NFIC: variants seen among roughly 807,000 people sequenced by gnomAD.
NFIC encodes the protein nuclear factor 1 C-type.
Under a neutral mutation model 54.4 loss-of-function variants are expected in NFIC, and 12 were observed. The ratio of observed to expected loss-of-function variants is 0.22; its 90% confidence interval spans 0.14 to 0.36. The LOEUF (loss-of-function observed/expected upper bound fraction) is 0.36, where lower values mean the gene tolerates loss of function less well. NFIC is among the 10% of genes least tolerant of loss of function. NFIC has a pLI of 1.00. For missense variants in NFIC, 575 were observed against 718.2 expected (o/e 0.80, Z 2.28); for synonymous variants, 322 against 319.2 (o/e 1.01, Z -0.09).
chr19:3,366,722 C>T (rs1568394972), intron 1 of NFIC, 56 bp downstream of exon 1: 2 of 1,270,124 alleles, frequency 1.6e-6, no homozygotes, highest in Non-Finnish European at 2.1e-6. Context: ...CATCCCAGCC[C>T]CGGAGTTTTG....
At chr19:3,425,342 AC>A (rs2082011382) in intron 3 of NFIC, among the ~76,000 whole-genome samples, 165 bp downstream of exon 3, 1 of 152,028 alleles carries the variant, frequency 6.6e-6, no homozygotes, top group Admixed American at 6.6e-5. Flanking sequence ...CTGGGTTGGA[AC>A]CCACGACTCT....
chr19:3,403,386 G>A (rs1476053941), intron 2 of NFIC, among the ~76,000 whole-genome samples: 5 of 152,152 alleles, frequency 3.3e-5, no homozygotes, highest in Admixed American at 6.6e-5. Context: ...CGGATCTTCC[G>A]TTTCCCCCTT....
At chr19:3,456,682 G>T in intron 10 of NFIC, 47 bp downstream of exon 10, 1 of 1,358,470 alleles carries the variant, frequency 7.4e-7, no homozygotes, top group South Asian at 1.3e-5. Context: ...GCAGGGCAGA[G>T]GGGCCGGCCC....
At chr19:3,372,430 G>T (rs1487107877) in intron 1 of NFIC, among the ~76,000 whole-genome samples, 1 of 152,184 alleles carries the variant, frequency 6.6e-6, no homozygotes, top group Non-Finnish European at 1.5e-5. Context: ...GATAAGGGGG[G>T]TCCCAGAGGC....
In NFIC at chr19:3,465,407, TA is replaced by T. The variant is rs1206836629; in HGVS notation, c.*2644del. Reference sequence around the variant, plus strand: ...ATTTCTATTTGTAAAAAAAATAAAATAAAAAATAAGAAAGTGAGAATCTAAA... The same window carrying T: ...ATTTCTATTTGTAAAAAAAATAAAATAAAAATAAGAAAGTGAGAATCTAAA... On this transcript the variant is annotated 3_prime_UTR_variant, in exon 11 of 11. Coordinates refer to ENST00000443272, the MANE Select transcript of NFIC (RefSeq NM_001245002.2). The T allele has an allele frequency of 5.4e-5, 1 of 18,590 alleles. No homozygotes were observed. The highest frequency in any genetic ancestry group is 1.2e-4 in the Non-Finnish European group (1 of 8,004). 1.2% of individuals were successfully genotyped at this position (18,590 alleles called of 1,614,324 possible). A position where few individuals can be genotyped will look rare whatever the true frequency, so the allele number is the denominator to read the frequency against.
At chr19:3,439,635 T>C (rs1292069520) in intron 6 of NFIC, among the ~76,000 whole-genome samples, 1 of 148,204 alleles carries the variant, frequency 6.7e-6, no homozygotes, top group Non-Finnish European at 1.5e-5. Context: ...AGAGCGAAAC[T>C]CCATCTCAAA....
At chr19:3,462,684 A>G (rs2082658735) in intron 10 of NFIC, 68 bp from the exon 11 acceptor site, 7 of 1,551,994 alleles carry the variant, frequency 4.5e-6, no homozygotes, top group Non-Finnish European at 5.3e-6. Flanking sequence ...TGTCTGCAGC[A>G]GAGTCTGACC....
At position 3,381,947 on chromosome 19, in the gene NFIC, G is replaced by T; in HGVS notation, c.266G>T (p.Arg89Leu). The change falls in exon 2 of 11, where the codon CGC becomes CTC. Residue 89 changes from arginine to leucine, a missense_variant. Around this residue, in one of 3 missense-constraint regions of NFIC, gnomAD observed 122 missense variants for 158.0 expected, o/e 0.77. Transcript: ENST00000443272. ...KLRKDIRPEC[R>L]EDFVLSITGK... is the part of the protein sequence containing the mutation. ...CGCAAGGACATCCGGCCCGAGTGCC[G>T]CGAGGACTTCGTGCTGAGCATCACC... 1 of 1,613,510 alleles carries T rather than the reference G, an allele frequency of 6.2e-7. No individual in the cohort carries two copies. The highest frequency in any genetic ancestry group is 8.5e-7 in the Non-Finnish European group (1 of 1,179,922).
intron 2 of NFIC, among the ~76,000 whole-genome samples, chr19:3,407,963 A>C (rs1479927202): frequency 6.6e-6 from 1 of 152,174 alleles, no homozygotes; most frequent in Non-Finnish European, 1.5e-5. Flanking sequence ...TCCAGGACAG[A>C]GAAAGTTGAA....
At chr19:3,447,460 C>T (rs982413423) in intron 6 of NFIC, among the ~76,000 whole-genome samples, 13 of 152,266 alleles carry the variant, frequency 8.5e-5, no homozygotes, top group African/African-American at 3.1e-4. Context: ...CAAGGGGCAC[C>T]GTGTCATCTC....
At position 3,381,744 on chromosome 19, in the gene NFIC, G is replaced by C; in HGVS notation, c.63G>C (p.Leu21=). Reference sequence around the variant, plus strand: ...TCCACCCGTTCATCGAGGCCCTGCTGCCTCACGTCCGCGCCTTCGCCTACA... The same window carrying C: ...TCCACCCGTTCATCGAGGCCCTGCTCCCTCACGTCCGCGCCTTCGCCTACA... The part of the protein sequence containing the change: ...DEFHPFIEAL[L]PHVRAFAYTW... The change falls in exon 2 of 11, where the codon CTG becomes CTC. Residue 21 remains leucine (L), a synonymous_variant. Coordinates refer to ENST00000443272, the MANE Select transcript of NFIC (RefSeq NM_001245002.2). The C allele has an allele frequency of 6.2e-7, 1 of 1,613,830 alleles. No homozygotes were observed.
chr19:3,443,019 G>A (rs2082317313), intron 6 of NFIC, among the ~76,000 whole-genome samples: 1 of 152,368 alleles, frequency 6.6e-6, no homozygotes, highest in Admixed American at 6.5e-5. Flanking sequence ...TTGACATGGA[G>A]TGGGTCGAGG....
At chr19:3,426,411 T>C (rs1421592915) in intron 3 of NFIC, among the ~76,000 whole-genome samples, 1 of 151,894 alleles carries the variant, frequency 6.6e-6, no homozygotes, top group Non-Finnish European at 1.5e-5. Flanking sequence ...GGTAGGACAG[T>C]GTAATTCTAT....
In NFIC at chr19:3,464,687, T is replaced by C. The variant is rs1304266654; in HGVS notation, c.*1918T>C. ...CGAAAACCAGACTCTCCTCCCAAAC[T>C]AGCCTCAGGAGCTTGGCGAACCCGC... On this transcript the variant is annotated 3_prime_UTR_variant, in exon 11 of 11. Coordinates refer to ENST00000443272, the MANE Select transcript of NFIC (RefSeq NM_001245002.2). 2 of 981,568 alleles carry C rather than the reference T, an allele frequency of 2.0e-6. No homozygotes were observed. Among genetic ancestry groups the C allele is most frequent in the Non-Finnish European group, 2.4e-6 (2 of 829,170 alleles). 60.8% of individuals were successfully genotyped at this position (981,568 alleles called of 1,614,324 possible).
chr19:3,386,967 C>T (rs964160709), intron 2 of NFIC, among the ~76,000 whole-genome samples: 3 of 152,218 alleles, frequency 2.0e-5, no homozygotes, highest in African/African-American at 7.2e-5. Flanking sequence ...GGAAGACTGG[C>T]CACCGGCTTC....
intron 2 of NFIC, among the ~76,000 whole-genome samples, chr19:3,405,619 G>T (rs2081636156): frequency 6.6e-6 from 1 of 151,918 alleles, no homozygotes; most frequent in Non-Finnish European, 1.5e-5. Context: ...TTATTTTTGA[G>T]ATGGAGTTTC....
At chr19:3,382,473 C>T (rs752441908) in intron 2 of NFIC, among the ~76,000 whole-genome samples, 1 of 150,686 alleles carries the variant, frequency 6.6e-6, no homozygotes, top group African/African-American at 2.5e-5. Context: ...AGAGGGGAGG[C>T]GAGTCTAGGA....
At chr19:3,462,157 G>A (rs1599735793) in intron 10 of NFIC, among the ~76,000 whole-genome samples, 1 of 152,060 alleles carries the variant, frequency 6.6e-6, no homozygotes, top group Admixed American at 6.6e-5. Flanking sequence ...CGAGGAAGGT[G>A]GATCACTTGA....
At chr19:3,378,238 G>A (rs1365677232) in intron 1 of NFIC, among the ~76,000 whole-genome samples, 1 of 149,594 alleles carries the variant, frequency 6.7e-6, no homozygotes, top group Non-Finnish European at 1.5e-5. Context: ...TCCAGCCTGG[G>A]TGACAAGAGT....
Sources: gnomAD v4.1 joint callset for allele counts (sites outside exome capture counted in the v4.1 genomes callset) on GRCh38, gnomAD v4.1.1 for gene constraint, gnomAD v4.1.1 regional missense constraint, MANE v1.5 for transcripts, NCBI Gene and HGNC (gene_info 2026-07-23, HGNC 2026-07-21) for gene names.